The following PKNOX1 variants were observed in gnomAD, a reference collection of about 807,000 sequenced individuals.
PKNOX1 encodes the protein PBX/knotted 1 homeobox 1.
Under a neutral mutation model 51.9 loss-of-function variants are expected in PKNOX1, and 15 were observed. That is an observed-to-expected ratio of 0.29 (90% confidence interval 0.19 to 0.45). PKNOX1 has a LOEUF of 0.45. PKNOX1 is among the 20% of genes least tolerant of loss of function. PKNOX1 has a pLI of 1.00. For missense variants in PKNOX1, 462 were observed against 547.5 expected (o/e 0.84, Z 1.56); for synonymous variants, 219 against 211.1 (o/e 1.04, Z -0.32).
intron 1 of PKNOX1, among the ~76,000 whole-genome samples, chr21:42,992,263 GA>G (rs2059091511): frequency 6.6e-6 from 1 of 152,224 alleles, no homozygotes; most frequent in African/African-American, 2.4e-5. Context: ...CCTTATCTTA[GA>G]AGCACAATTA....
At chr21:43,016,793 C>A in intron 5 of PKNOX1, 115 bp from the exon 6 acceptor site, 1 of 621,774 alleles carries the variant, frequency 1.6e-6, no homozygotes, top group Non-Finnish European at 2.7e-6. Flanking sequence ...ATGTTCTTTC[C>A]CTCAAGCTTC....
rs1040071489 is a variant in PKNOX1 at position 43,032,407 on chromosome 21, G to A, written c.*2306G>A. ...AATGTAGACTCATGTATAGGTCACC[G>A]TTTCTTTCCCCCACTAGAAATCACA... On this transcript the variant is annotated 3_prime_UTR_variant, in exon 11 of 11. Coordinates refer to ENST00000291547, the MANE Select transcript of PKNOX1 (RefSeq NM_004571.5). 18 of 281,838 alleles carry A rather than the reference G, an allele frequency of 6.4e-5. No individual in the cohort carries two copies. Among genetic ancestry groups the A allele is most frequent in the Admixed American group, 1.2e-4 (3 of 24,068 alleles). 17.5% of individuals were successfully genotyped at this position (281,838 alleles called of 1,614,324 possible).
intron 1 of PKNOX1, among the ~76,000 whole-genome samples, chr21:42,992,897 T>C (rs956799565): frequency 7.5e-6 from 1 of 133,910 alleles, no homozygotes; most frequent in African/African-American, 2.8e-5. Flanking sequence ...ATTGCGAGCT[T>C]CCTCACAGCA....
intron 1 of PKNOX1, 48 bp from the exon 2 acceptor site, chr21:43,004,278 A>T: frequency 1.3e-6 from 1 of 794,852 alleles, no homozygotes; most frequent in South Asian, 1.5e-5. Context: ...GGGAGACAAA[A>T]AATGCTCTAC....
Position 43,021,042 on chromosome 21 carries a change from A to G in PKNOX1, c.721-261A>G. Reference sequence around the variant, plus strand: ...AAGAATCACTTGAGCCCAGGAGTTCAAGGCTGCAGTGAGCCGTGACTGCAC... The same window carrying G: ...AAGAATCACTTGAGCCCAGGAGTTCGAGGCTGCAGTGAGCCGTGACTGCAC... On this transcript the variant is annotated intron_variant, in intron 7 of 10. Coordinates refer to ENST00000291547, the MANE Select transcript of PKNOX1 (RefSeq NM_004571.5). This position sits in a 1 kb window ranked among gnomAD's most constrained non-coding sequence, Gnocchi z 4.6. The G allele has an allele frequency of 4.5e-6, 1 of 223,090 alleles. No homozygotes were observed. The highest frequency in any genetic ancestry group is 9.0e-6 in the Non-Finnish European group (1 of 110,878). 13.8% of individuals were successfully genotyped at this position (223,090 alleles called of 1,614,324 possible). A position where few individuals can be genotyped will look rare whatever the true frequency, so the allele number is the denominator to read the frequency against.
In PKNOX1 at chr21:43,033,553, C is replaced by CA. The variant is rs1027453688; in HGVS notation, c.*3459dup. 1 of 152,322 alleles carries CA rather than the reference C, an allele frequency of 6.6e-6. No homozygotes were observed. The highest frequency in any genetic ancestry group is 6.6e-5 in the Admixed American group (1 of 15,254). 9.4% of individuals were successfully genotyped at this position (152,322 alleles called of 1,614,324 possible). ...TTGTGAAGCAATTGATTTATCAAAG[C>CA]AAAAAAATTAAAAATAGAAACTTGC... On this transcript the variant is annotated 3_prime_UTR_variant, in exon 11 of 11. Coordinates refer to ENST00000291547, the MANE Select transcript of PKNOX1 (RefSeq NM_004571.5).
At chr21:42,988,715 G>A (rs1402426931) in intron 1 of PKNOX1, among the ~76,000 whole-genome samples, 1 of 152,142 alleles carries the variant, frequency 6.6e-6, no homozygotes, top group African/African-American at 2.4e-5. Context: ...CAGTTGTGCT[G>A]ATCCCCCAGG....
At chr21:42,982,037 G>A (rs562608123) in intron 1 of PKNOX1, among the ~76,000 whole-genome samples, 1 of 152,300 alleles carries the variant, frequency 6.6e-6, no homozygotes, top group East Asian at 1.9e-4. Flanking sequence ...TCCCCTCACA[G>A]TGGGGGCTCA....
In PKNOX1 at chr21:43,010,150, A is replaced by C; in HGVS notation, c.277A>C (p.Ile93Leu). The change falls in exon 4 of 11, where the codon ATC (isoleucine) becomes CTC (leucine). Residue 93 changes from isoleucine to leucine, a missense_variant. Physicochemically the swap from Ile to Leu is conservative, Grantham distance 5. This residue lies in a region of PKNOX1 where 129 missense variants were observed against 133.4 expected (regional missense o/e 0.97). Coordinates refer to ENST00000291547, the MANE Select transcript of PKNOX1 (RefSeq NM_004571.5). ...GTTSASFDVD[I>L]ENFVRKQEKE... ...AACTTCTGCCAGTTTTGATGTAGAC[A>C]TCGAAAATTTTGTAAGAAAGCAAGA... The C allele has an allele frequency of 6.2e-7, 1 of 1,606,642 alleles. No individual in the cohort carries two copies. Among genetic ancestry groups the C allele is most frequent in the Non-Finnish European group, 8.5e-7 (1 of 1,175,534 alleles).
At chr21:42,980,522 A>G (rs2059020865) in intron 1 of PKNOX1, among the ~76,000 whole-genome samples, 1 of 152,260 alleles carries the variant, frequency 6.6e-6, no homozygotes, top group African/African-American at 2.4e-5. Context: ...GAAACTGCTA[A>G]AGTGATGCAA....
At chr21:43,000,501 A>G (rs959011778) in intron 1 of PKNOX1, among the ~76,000 whole-genome samples, 4 of 152,170 alleles carry the variant, frequency 2.6e-5, no homozygotes, top group African/African-American at 7.2e-5. Context: ...AGACTTATTC[A>G]CTATCAGGAG....
chr21:42,977,820 CAG>C (rs1356316248), intron 1 of PKNOX1, among the ~76,000 whole-genome samples: 1 of 152,022 alleles, frequency 6.6e-6, no homozygotes, highest in Admixed American at 6.6e-5. Context: ...GCTGGGATTA[CAG>C]GGGTGAGCTG....
chr21:43,023,641 T>A (rs937413412), intron 8 of PKNOX1, among the ~76,000 whole-genome samples: 2 of 151,756 alleles, frequency 1.3e-5, no homozygotes, highest in South Asian at 2.1e-4. Flanking sequence ...TTTTTTTTTT[T>A]ATTTTTCTGC....
rs896096808 is a variant in PKNOX1 at position 43,004,113 on chromosome 21, T to G, written c.-56-213T>G. 2.5e-5 allele frequency: 8 copies of G among 315,018 alleles called. No homozygotes were observed. The Admixed American group carries it at 3.2e-4, about 13-fold the overall frequency. 19.5% of individuals were successfully genotyped at this position (315,018 alleles called of 1,614,324 possible). The stretch of plus-strand genomic sequence containing the variant: ...TTATCCAGGCATGGTGGCACATGAC[T>G]GTAATCCCAGCTACTAGGGAGGCTG... On this transcript the variant is annotated intron_variant, in intron 1 of 10. Coordinates refer to ENST00000291547, the MANE Select transcript of PKNOX1 (RefSeq NM_004571.5).
At position 43,030,038 on chromosome 21, in the gene PKNOX1, G is replaced by A. The variant is rs150726625; in HGVS notation, c.1248G>A (p.Ala416=). 7.7e-5 allele frequency: 125 copies of A among 1,613,692 alleles called. No individual in the cohort carries two copies. The highest frequency in any genetic ancestry group is 3.3e-4 in the Middle Eastern group (2 of 6,068). The change falls in exon 11 of 11, where the codon GCG becomes GCA. Residue 416 remains alanine, a synonymous_variant. Transcript: ENST00000291547. ...DESVDSTEED[A]GALAPAHISG... ...CTGTGGACAGCACAGAGGAGGATGC[G>A]GGTGCCCTGGCCCCTGCCCACATCA...
intron 8 of PKNOX1, chr21:43,024,594 C>G (rs909907819): frequency 1.1e-5 from 4 of 374,056 alleles, no homozygotes; most frequent in Non-Finnish European, 1.9e-5. Context: ...CATAGCTGCT[C>G]CTCATGATGT....
intron 8 of PKNOX1, among the ~76,000 whole-genome samples, chr21:43,022,696 G>A (rs1033034150): frequency 1.3e-5 from 2 of 152,164 alleles, no homozygotes; most frequent in African/African-American, 2.4e-5. Context: ...ACAAGAAAAC[G>A]GAAAGATTTG....
chr21:42,993,209 A>G (rs1391706081), intron 1 of PKNOX1, among the ~76,000 whole-genome samples: 1 of 152,172 alleles, frequency 6.6e-6, no homozygotes, highest in Non-Finnish European at 1.5e-5. Context: ...TGGCCTTGGC[A>G]TGTAGTAGAC....
At chr21:43,013,351 C>A in intron 5 of PKNOX1, 113 bp downstream of exon 5, 1 of 770,614 alleles carries the variant, frequency 1.3e-6, no homozygotes, top group Non-Finnish European at 2.0e-6. Flanking sequence ...TGACTTTCTA[C>A]AAGAAGGACC....
Sources: allele counts gnomAD v4.1 joint callset (sites outside exome capture counted in the v4.1 genomes callset), GRCh38; gene constraint gnomAD v4.1.1; regional missense constraint gnomAD v4.1.1; non-coding constraint Gnocchi (gnomAD v3.1); transcripts MANE v1.5; gene names NCBI Gene and HGNC (gene_info 2026-07-23, HGNC 2026-07-21).